The following C11orf65 variants were observed in gnomAD, a reference collection of about 807,000 sequenced individuals.
The protein encoded by C11orf65 is protein MFI.
A neutral mutation model predicts 35.3 loss-of-function variants in C11orf65; 38 were observed. That is an observed-to-expected ratio of 1.08 (90% CI 0.83 to 1.41). The LOEUF is 1.41. Ranked by LOEUF, C11orf65 falls within the 40% of genes most tolerant of loss-of-function variation. C11orf65 has a pLI of 0.00. For missense variants in C11orf65, 370 were observed against 367.1 expected, an observed-to-expected ratio of 1.01 and a Z score of -0.06; for synonymous variants, 105 against 114.4, an observed-to-expected ratio of 0.92 and a Z score of 0.53.
chr11:108,447,287 T>C (rs2093277428), intron 2 of C11orf65, among the ~76,000 whole-genome samples: 4 of 152,080 alleles, frequency 2.6e-5, no homozygotes. Context: ...GCGGACCTAA[T>C]AGACATCTAC....
At chr11:108,398,195 G>A (rs1360879688) in intron 6 of C11orf65, among the ~76,000 whole-genome samples, 1 of 152,160 alleles carries the variant, frequency 6.6e-6, no homozygotes, top group Non-Finnish European at 1.5e-5. Flanking sequence ...AGAAGACGAA[G>A]GGACTAGAGA....
chr11:108,347,085 C>T (rs1317122129), intron 2 of C11orf65, among the ~76,000 whole-genome samples: 1 of 152,086 alleles, frequency 6.6e-6, no homozygotes, highest in Non-Finnish European at 1.5e-5. Flanking sequence ...TTGTAAAATG[C>T]AATATGCATT....
chr11:108,464,144 C>A (rs2093504685), intron 1 of C11orf65, among the ~76,000 whole-genome samples: 1 of 151,994 alleles, frequency 6.6e-6, no homozygotes, highest in African/African-American at 2.4e-5. Flanking sequence ...CCAGGGTGGG[C>A]TCGAACTGCT....
chr11:108,348,127 A>T (rs1435615954), intron 2 of C11orf65, among the ~76,000 whole-genome samples: 2 of 152,102 alleles, frequency 1.3e-5, no homozygotes, highest in African/African-American at 4.8e-5. Flanking sequence ...GAAAGTGATG[A>T]ATTTAGTTTT....
chr11:108,468,055 C>T (rs2093558345), upstream of C11orf65, among the ~76,000 whole-genome samples: 1 of 152,076 alleles, frequency 6.6e-6, no homozygotes. Context: ...TGGTCTTGAA[C>T]TCCTGGGCTC....
chr11:108,309,761 T>C (rs2083986740), intron 6 of C11orf65, among the ~76,000 whole-genome samples: 2 of 152,178 alleles, frequency 1.3e-5, no homozygotes, highest in Admixed American at 6.5e-5. Context: ...TGAAACAATA[T>C]TTTTTATTAA....
intron 3 of C11orf65, among the ~76,000 whole-genome samples, chr11:108,413,875 C>T (rs144186761): frequency 6.6e-6 from 1 of 151,906 alleles, no homozygotes; most frequent in Non-Finnish European, 1.5e-5. Context: ...TAAATGAAAA[C>T]GAAAATACAA....
In C11orf65 at chr11:108,352,605, C is replaced by A. The variant is rs138774218; in HGVS notation, c.227-17313G>T. Among the ~76,000 whole-genome samples the A allele has an allele frequency of 6.0e-3, 909 of 152,268 alleles. 10 individuals are homozygous for A. The highest frequency in any genetic ancestry group is 0.021 in the African/African-American group (861 of 41,540). The stretch of plus-strand genomic sequence containing the variant: ...AATCTACTTATAAAATGGCCATGTA[C>A]TACAAATGTGTATAGCAGCTTTATT... On this transcript the variant is annotated intron_variant, in intron 2 of 3. Coordinates refer to the C11orf65 transcript ENST00000524755.
At chr11:108,408,683 T>TAAAAAAAATAAA (rs1373369961) in intron 3 of C11orf65, among the ~76,000 whole-genome samples, 1,726 of 72,784 alleles carry the variant, frequency 0.024, 71 homozygotes, top group African/African-American at 0.075. Flanking sequence ...ATAAATAAAA[T>TAAAAAAAATAAA]AAAATAAAAT....
chr11:108,421,873 T>G (rs982213676), intron 3 of C11orf65, among the ~76,000 whole-genome samples: 1 of 152,170 alleles, frequency 6.6e-6, no homozygotes, highest in Non-Finnish European at 1.5e-5. Context: ...TTAAAAGCAT[T>G]CCCCTGGTTG....
At chr11:108,351,710 G>A (rs975268890) in intron 2 of C11orf65, among the ~76,000 whole-genome samples, 1 of 152,174 alleles carries the variant, frequency 6.6e-6, no homozygotes, top group Non-Finnish European at 1.5e-5. Context: ...GGCTAGGCCT[G>A]CAACTTGCAC....
At position 108,345,767 on chromosome 11, in the gene C11orf65, G is replaced by C. The variant is rs1214616015; in HGVS notation, c.227-10475C>G. On this transcript the variant is annotated intron_variant, in intron 2 of 3. Coordinates refer to the C11orf65 transcript ENST00000524755. ...GGAGGTGCAAAAAAAGTCTTTTGAA[G>C]AGAAATATGAAGTCTTCATGGATGT... 6.2e-7 allele frequency: 1 copy of C among 1,612,200 alleles called. No individual in the cohort carries two copies. Among genetic ancestry groups the C allele is most frequent in the African/African-American group, 1.3e-5 (1 of 74,916 alleles).
chr11:108,394,719 T>C (rs1591453911), intron 6 of C11orf65, among the ~76,000 whole-genome samples: 1 of 152,124 alleles, frequency 6.6e-6, no homozygotes, highest in Non-Finnish European at 1.5e-5. Flanking sequence ...GGAAACAGCA[T>C]AGTGGTGATA....
At chr11:108,357,424 G>T (rs998858505) in intron 2 of C11orf65, among the ~76,000 whole-genome samples, 2 of 152,206 alleles carry the variant, frequency 1.3e-5, no homozygotes, top group Admixed American at 6.5e-5. Context: ...CGGGAAGCTC[G>T]AACTGGGTGG....
intron 2 of C11orf65, among the ~76,000 whole-genome samples, chr11:108,439,530 T>C (rs758398984): frequency 1.3e-5 from 2 of 152,204 alleles, no homozygotes; most frequent in Non-Finnish European, 2.9e-5. Flanking sequence ...ATCAATTTAT[T>C]AGCAGCATTA....
chr11:108,403,383 C>G (rs1225980683), intron 6 of C11orf65, among the ~76,000 whole-genome samples: 1 of 138,132 alleles, frequency 7.2e-6, no homozygotes, highest in East Asian at 2.2e-4. Flanking sequence ...ATTTTTTGCC[C>G]ACTTTAAAAT....
At chr11:108,392,024 G>A (rs558814110) in intron 7 of C11orf65, among the ~76,000 whole-genome samples, 1 of 152,138 alleles carries the variant, frequency 6.6e-6, no homozygotes, top group Non-Finnish European at 1.5e-5. Context: ...AAAATGCTGG[G>A]ATTACAGGCG....
chr11:108,422,243 A>C (rs1423570392), intron 3 of C11orf65, among the ~76,000 whole-genome samples: 1 of 152,130 alleles, frequency 6.6e-6, no homozygotes, highest in Non-Finnish European at 1.5e-5. Flanking sequence ...TTATTCTTAG[A>C]ATTCCTTACT....
intron 6 of C11orf65, among the ~76,000 whole-genome samples, chr11:108,395,620 ATTT>A (rs536560810): frequency 5.7e-5 from 7 of 123,394 alleles, no homozygotes; most frequent in African/African-American, 1.4e-4. Context: ...CCCAGCCCAA[ATTT>A]TTTTTTTTTT....
Sources: gnomAD v4.1 joint callset for allele counts (sites outside exome capture counted in the v4.1 genomes callset) on GRCh38, gnomAD v4.1.1 for gene constraint, MANE v1.5 for transcripts, NCBI Gene and HGNC (gene_info 2026-07-23, HGNC 2026-07-21) for gene names.